PALS2: variants seen among roughly 807,000 people sequenced by gnomAD.
PALS2 encodes the protein protein associated with LIN7 2, MAGUK p55 family member.
Under a neutral mutation model 61.6 loss-of-function variants are expected in PALS2, and 27 were observed. The observed-to-expected ratio is 0.44, with a 90% CI of 0.32 to 0.60. The LOEUF is 0.60. Ranked by LOEUF, PALS2 falls within the 20% of genes least tolerant of loss-of-function variation. The probability of loss-of-function intolerance (pLI) is 0.05; values close to 1 mark genes in which losing one functional copy is unlikely to be tolerated. For synonymous variants in PALS2, 236 were observed against 218.6 expected, an observed-to-expected ratio of 1.08 and a Z score of -0.70; for missense variants, 554 against 639.4, an observed-to-expected ratio of 0.87 and a Z score of 1.44.
intron 2 of PALS2, 82 bp from the exon 3 acceptor site, chr7:24,641,634 A>C: frequency 4.0e-6 from 5 of 1,242,218 alleles, no homozygotes; most frequent in Non-Finnish European, 4.4e-6. Context: ...ATATTTTAAA[A>C]CTTTACGAAA....
At chr7:24,598,955 A>G (rs372846523) in intron 1 of PALS2, among the ~76,000 whole-genome samples, 37 of 152,274 alleles carry the variant, frequency 2.4e-4, no homozygotes, top group African/African-American at 8.9e-4. Context: ...TTTGTGAAAT[A>G]TTTCGCCCAG....
intron 1 of PALS2, among the ~76,000 whole-genome samples, chr7:24,578,612 T>G (rs530755590): frequency 6.6e-6 from 1 of 152,340 alleles, no homozygotes; most frequent in African/African-American, 2.4e-5. Flanking sequence ...CTTCTAGTCC[T>G]CTTAGTGGAA....
intron 1 of PALS2, among the ~76,000 whole-genome samples, chr7:24,578,783 T>A (rs1416160584): frequency 1.3e-5 from 2 of 152,356 alleles, no homozygotes; most frequent in East Asian, 3.8e-4. Flanking sequence ...ACAATCCAAG[T>A]AGGTGCCCCT....
intron 9 of PALS2, among the ~76,000 whole-genome samples, chr7:24,677,616 T>A (rs1466103934): frequency 6.6e-6 from 1 of 152,190 alleles, no homozygotes; most frequent in Non-Finnish European, 1.5e-5. Context: ...CTTTTCTGCA[T>A]CTATTGAGAT....
At chr7:24,636,878 C>T (rs914443172) in intron 2 of PALS2, among the ~76,000 whole-genome samples, 31 of 151,826 alleles carry the variant, frequency 2.0e-4, no homozygotes, top group Non-Finnish European at 2.6e-4. Context: ...TTGACTTTGT[C>T]GATTTTTGAT....
chr7:24,671,579 G>T (rs1240927997), intron 9 of PALS2, among the ~76,000 whole-genome samples: 1 of 151,916 alleles, frequency 6.6e-6, no homozygotes, highest in Non-Finnish European at 1.5e-5. Flanking sequence ...TTTTCATATC[G>T]TATCAAGTAT....
chr7:24,658,791 G>A (rs1274351890), intron 5 of PALS2, among the ~76,000 whole-genome samples: 4 of 151,786 alleles, frequency 2.6e-5, no homozygotes, highest in East Asian at 1.9e-4. Flanking sequence ...TCTTGATCTC[G>A]TGATCCATCT....
intron 1 of PALS2, among the ~76,000 whole-genome samples, chr7:24,622,735 G>A (rs1290588587): frequency 7.6e-6 from 1 of 132,196 alleles, no homozygotes; most frequent in Non-Finnish European, 1.6e-5. Flanking sequence ...ATCCAAAGTT[G>A]AATAAAAATG....
At chr7:24,650,391 C>A in intron 4 of PALS2, 94 bp from the exon 5 acceptor site, 1 of 1,014,118 alleles carries the variant, frequency 9.9e-7, no homozygotes, top group Non-Finnish European at 1.4e-6. Context: ...ATTCATTTTA[C>A]CTAGTTTTAG....
chr7:24,629,105 A>G (rs1583901815), intron 2 of PALS2, among the ~76,000 whole-genome samples: 1 of 152,216 alleles, frequency 6.6e-6, no homozygotes, highest in East Asian at 1.9e-4. Context: ...ACAAGGCTAC[A>G]GTAACTAAAA....
At chr7:24,577,868 A>C (rs1583819139) in intron 1 of PALS2, among the ~76,000 whole-genome samples, 1 of 152,288 alleles carries the variant, frequency 6.6e-6, no homozygotes, top group East Asian at 1.9e-4. Flanking sequence ...ATCTGAAATT[A>C]TGTTTTTATA....
chr7:24,687,200 A>G lies in PALS2; in HGVS notation c.1447-238A>G, dbSNP rs1014003122. Among the ~76,000 whole-genome samples, 2 of 152,236 alleles carry G rather than the reference A, an allele frequency of 1.3e-5. No homozygotes were observed. Among genetic ancestry groups the G allele is most frequent in the African/African-American group, 4.8e-5 (2 of 41,468 alleles). On this transcript the variant is annotated intron_variant, in intron 11 of 11. Transcript: ENST00000222644. The surrounding 1 kb of genome is among the most constrained non-coding windows in gnomAD (Gnocchi z 4.5). ...TTTTAATTAGGAATTTTATCCTAAT[A>G]TAAGTGAGGCAAAAGATGCAGAATA...
intron 5 of PALS2, among the ~76,000 whole-genome samples, chr7:24,660,444 G>C (rs370888653): frequency 1.3e-5 from 2 of 152,004 alleles, no homozygotes; most frequent in African/African-American, 4.8e-5. Flanking sequence ...TTCATAGAAA[G>C]GTTGCATAGT....
chr7:24,612,820 A>G (rs1784161329), intron 1 of PALS2, among the ~76,000 whole-genome samples: 1 of 151,834 alleles, frequency 6.6e-6, no homozygotes, highest in Non-Finnish European at 1.5e-5. Flanking sequence ...GTCTTACTAC[A>G]TTACTTAAAA....
At position 24,618,597 on chromosome 7, in the gene PALS2, T is replaced by C. The variant is rs926889008; in HGVS notation, c.-2-5069T>C. Among the ~76,000 whole-genome samples the C allele has an allele frequency of 1.1e-4, 17 of 152,208 alleles. No homozygotes were observed. Among genetic ancestry groups the C allele is most frequent in the African/African-American group, 4.1e-4 (17 of 41,458 alleles). On this transcript the variant is annotated intron_variant, in intron 1 of 11. Coordinates refer to ENST00000222644, the MANE Select transcript of PALS2 (RefSeq NM_001303037.2). The surrounding 1 kb of genome is among the most constrained non-coding windows in gnomAD (Gnocchi z 5.1). ...AACTGGGCTCAGGGCTTGCAAGGAC[T>C]GTGGATTCTCCTGTAGTAAGGATTG... is the stretch of plus-strand genomic sequence containing the variant.
intron 3 of PALS2, among the ~76,000 whole-genome samples, chr7:24,642,689 T>G (rs527795778): frequency 2.5e-4 from 38 of 152,298 alleles, no homozygotes; most frequent in African/African-American, 8.9e-4. Flanking sequence ...AAAGATTTTA[T>G]GTGACTCTTC....
chr7:24,665,556 C>T (rs758704122), intron 6 of PALS2, 32 bp from the exon 7 acceptor site: 1 of 1,602,636 alleles, frequency 6.2e-7, no homozygotes, highest in Non-Finnish European at 8.5e-7. Flanking sequence ...ATTTTGGTCA[C>T]TGAGATGTAC....
intron 2 of PALS2, among the ~76,000 whole-genome samples, chr7:24,632,915 T>C (rs1043220640): frequency 9.2e-5 from 14 of 152,188 alleles, no homozygotes; most frequent in African/African-American, 3.4e-4. Context: ...AAAAAACTTT[T>C]TAGCAGTTCT....
At chr7:24,589,428 C>T (rs1329422814) in intron 1 of PALS2, 1 of 152,166 alleles carries the variant, frequency 6.6e-6, no homozygotes, top group Non-Finnish European at 1.5e-5. Flanking sequence ...ACTGTTGCAG[C>T]TGCTGCTTCT....
Sources: allele counts gnomAD v4.1 joint callset (sites outside exome capture counted in the v4.1 genomes callset), GRCh38; gene constraint gnomAD v4.1.1; non-coding constraint Gnocchi (gnomAD v3.1); transcripts MANE v1.5; gene names NCBI Gene and HGNC (gene_info 2026-07-23, HGNC 2026-07-21).